The following PCDHGA3 variants were observed in gnomAD, a reference collection of about 807,000 sequenced individuals.
PCDHGA3 encodes the protein protocadherin gamma subfamily A, 3, also known as protocadherin gamma-A3.
PCDHGA3 carries 40 observed loss-of-function variants against 58.5 expected under a neutral mutation model. The ratio of observed to expected loss-of-function variants is 0.68; its 90% CI spans 0.53 to 0.89. PCDHGA3 has a LOEUF of 0.89. Ranked by LOEUF, PCDHGA3 falls within the 40% of genes least tolerant of loss-of-function variation. PCDHGA3 has a pLI of 0.00. For missense variants in PCDHGA3, 1,223 were observed against 1,195.9 expected (o/e 1.02, Z -0.33); for synonymous variants, 530 against 525.7 (o/e 1.01, Z -0.11).
At chr5:141,438,583 CAT>C (rs1561889590) in intron 1 of PCDHGA3, among the ~76,000 whole-genome samples, 4 of 57,610 alleles carry the variant, frequency 6.9e-5, no homozygotes, top group African/African-American at 3.6e-4. Flanking sequence ...TACATACATA[CAT>C]ACATACATAT....
At chr5:141,351,841 A>G (rs3749777) in intron 1 of PCDHGA3, 152,910 of 1,613,066 alleles carry the variant, frequency 0.095, 8,979 homozygotes, top group African/African-American at 0.29. Context: ...TCGAGCTCAC[A>G]CTGCAGGCCA....
rs371490086 is a variant in PCDHGA3 at position 141,405,329 on chromosome 5, G to A, written c.2424+58872G>A. 241 of 1,614,168 alleles carry A rather than the reference G, an allele frequency of 1.5e-4. No individual in the cohort carries two copies. Among genetic ancestry groups the A allele is most frequent in the African/African-American group, 1.1e-3 (80 of 75,034 alleles). The stretch of plus-strand genomic sequence containing the variant: ...CTGTGAGAAAAATGAGCCTTTGTGC[G>A]TCTCTGTTGATTCCAAGTTTCCTAT... On this transcript the variant is annotated intron_variant, in intron 1 of 3. Coordinates refer to ENST00000253812, the MANE Select transcript of PCDHGA3 (RefSeq NM_018916.4).
At chr5:141,478,020 A>G (rs1315422039) in intron 1 of PCDHGA3, 2 of 1,613,976 alleles carry the variant, frequency 1.2e-6, no homozygotes, top group Non-Finnish European at 1.7e-6. Flanking sequence ...CGTCCAGTCC[A>G]AGACACAGAT....
chr5:141,376,623 G>A (rs559036357), intron 1 of PCDHGA3: 243 of 1,327,112 alleles, frequency 1.8e-4, no homozygotes, highest in Middle Eastern at 7.8e-4. Context: ...TTTGGTACAG[G>A]AAGATTCGTG....
chr5:141,364,733 G>A (rs536236780), intron 1 of PCDHGA3: 54 of 1,613,954 alleles, frequency 3.3e-5, no homozygotes, highest in East Asian at 2.2e-4. Context: ...GCGTTTCCGG[G>A]ATGAAGAGTT....
intron 1 of PCDHGA3, among the ~76,000 whole-genome samples, chr5:141,460,807 A>G (rs2098998307): frequency 6.6e-6 from 1 of 151,962 alleles, no homozygotes; most frequent in Non-Finnish European, 1.5e-5. Context: ...ATATATATGT[A>G]TGTATACATA....
At chr5:141,382,108 G>T (rs1323592761) in intron 1 of PCDHGA3, among the ~76,000 whole-genome samples, 2 of 152,024 alleles carry the variant, frequency 1.3e-5, no homozygotes, top group African/African-American at 4.8e-5. Flanking sequence ...GATTACAGGC[G>T]TGAGCAACAG....
intron 1 of PCDHGA3, among the ~76,000 whole-genome samples, chr5:141,397,520 TA>T (rs2093534630): frequency 6.6e-6 from 1 of 152,170 alleles, no homozygotes; most frequent in South Asian, 2.1e-4. Flanking sequence ...CCATAGCTAA[TA>T]AAAAATGAAT....
chr5:141,403,442 G>C (rs565143998), intron 1 of PCDHGA3: 1 of 1,614,024 alleles, frequency 6.2e-7, no homozygotes, highest in East Asian at 2.2e-5. Flanking sequence ...GGATGTTGGC[G>C]TGAACTCCCT....
chr5:141,441,671 C>T (rs1027440120), intron 1 of PCDHGA3: 1 of 287,648 alleles, frequency 3.5e-6, no homozygotes, highest in African/African-American at 2.3e-5. Flanking sequence ...GCGCACAGTG[C>T]GCCTTCGACC....
chr5:141,361,085 T>C (rs1370734809), intron 1 of PCDHGA3: 1 of 1,613,896 alleles, frequency 6.2e-7, no homozygotes, highest in Non-Finnish European at 8.5e-7. Flanking sequence ...AGTTACACTC[T>C]GAGTATCGAA....
At chr5:141,422,219 C>T in intron 1 of PCDHGA3, 1 of 1,564,678 alleles carries the variant, frequency 6.4e-7, no homozygotes, top group Non-Finnish European at 8.6e-7. Context: ...CTCTTTACCA[C>T]CACGACGATG....
At chr5:141,430,817 C>T (rs200369093) in intron 1 of PCDHGA3, 2 of 1,539,796 alleles carry the variant, frequency 1.3e-6, no homozygotes, top group Non-Finnish European at 1.7e-6. Flanking sequence ...GGGAATCCTC[C>T]TGGGGACTCT....
In PCDHGA3 at chr5:141,432,976, C is replaced by T; in HGVS notation, c.2425-61831C>T. 1 of 1,614,210 alleles carries T rather than the reference C, an allele frequency of 6.2e-7. No individual in the cohort carries two copies. On this transcript the variant is annotated intron_variant, in intron 1 of 3. Transcript: ENST00000253812. The surrounding 1 kb of genome is among the most constrained non-coding windows in gnomAD (Gnocchi z 6.0). Reference sequence around the variant, plus strand: ...GCTTGACAGGAGCGCCGGCGTCGCACTTTGTGGGCGTGGACGGGGTGCAGG... The same window carrying T: ...GCTTGACAGGAGCGCCGGCGTCGCATTTTGTGGGCGTGGACGGGGTGCAGG...
intron 1 of PCDHGA3, chr5:141,389,559 C>T (rs1388057704): frequency 1.2e-6 from 2 of 1,613,274 alleles, no homozygotes; most frequent in East Asian, 2.2e-5. Flanking sequence ...CAATGCGCCA[C>T]GGGTGCTGTA....
chr5:141,345,276 A>G lies in PCDHGA3; in HGVS notation c.1243A>G (p.Ile415Val). The change falls in exon 1 of 4, where the codon ATA becomes GTA. Residue 415 changes from isoleucine to valine, a missense_variant. Physicochemically the swap from Ile to Val is conservative, Grantham distance 29. Around this residue, in one of 3 missense-constraint regions of PCDHGA3, gnomAD observed 791 missense variants for 708.5 expected, o/e 1.12. Coordinates refer to ENST00000253812, the MANE Select transcript of PCDHGA3 (RefSeq NM_018916.4). ...GGCCACATCCCTGGACCGCGAACAA[A>G]TATCAGAATATAACATTAGTCTGAG... ...VTATSLDREQ[I>V]SEYNISLRAS... 6.2e-7 allele frequency: 1 copy of G among 1,614,020 alleles called. No individual in the cohort carries two copies. The highest frequency in any genetic ancestry group is 8.5e-7 in the Non-Finnish European group (1 of 1,179,906).
At chr5:141,372,942 T>C in intron 1 of PCDHGA3, 1 of 786,954 alleles carries the variant, frequency 1.3e-6, no homozygotes. Context: ...GAGTAGGGTG[T>C]CTAGGAAATT....
intron 1 of PCDHGA3, chr5:141,376,019 G>A (rs765198459): frequency 7.3e-5 from 117 of 1,613,176 alleles, no homozygotes; most frequent in African/African-American, 9.3e-5. Context: ...AGTGGTGGCC[G>A]TCCAGGACCA....
At chr5:141,433,266 T>C in intron 1 of PCDHGA3, 1 of 1,315,306 alleles carries the variant, frequency 7.6e-7, no homozygotes, top group Non-Finnish European at 1.1e-6. Flanking sequence ...CGATCATAGC[T>C]CACTGCAGCC....
Sources: allele counts gnomAD v4.1 joint callset (sites outside exome capture counted in the v4.1 genomes callset), GRCh38; gene constraint gnomAD v4.1.1; regional missense constraint gnomAD v4.1.1; non-coding constraint Gnocchi (gnomAD v3.1); transcripts MANE v1.5; gene names NCBI Gene and HGNC (gene_info 2026-07-23, HGNC 2026-07-21).